Variants in SLC35F3 observed in about 807,000 individuals in gnomAD.
The protein encoded by SLC35F3 is solute carrier family 35 member F3.
In SLC35F3, 25 loss-of-function variants were observed where a neutral mutation model predicts 49.9. The ratio of observed to expected loss-of-function variants is 0.50; its 90% CI spans 0.37 to 0.70. SLC35F3 has a LOEUF of 0.70. Ranked by LOEUF, SLC35F3 falls within the 30% of genes least tolerant of loss-of-function variation. The pLI, the probability that SLC35F3 is intolerant of heterozygous loss-of-function variation, is 0.00. For missense variants in SLC35F3, 525 were observed against 639.8 expected, an observed-to-expected ratio of 0.82 and a Z score of 1.94; for synonymous variants, 275 against 265.4, an observed-to-expected ratio of 1.04 and a Z score of -0.35.
intron 2 of SLC35F3, among the ~76,000 whole-genome samples, chr1:234,160,636 C>G (rs1156805918): frequency 6.6e-6 from 1 of 152,202 alleles, no homozygotes; most frequent in African/African-American, 2.4e-5. Flanking sequence ...GGTCACTCTA[C>G]TTACAGTGGT....
chr1:234,244,167 C>T (rs8179278), intron 3 of SLC35F3, among the ~76,000 whole-genome samples: 15,204 of 152,248 alleles, frequency 0.1, 1,837 homozygotes, highest in East Asian at 0.67. Context: ...AGCCTACATC[C>T]TCTACCATGC....
intron 2 of SLC35F3, among the ~76,000 whole-genome samples, chr1:233,911,465 T>G (rs1034616307): frequency 6.6e-6 from 1 of 152,270 alleles, no homozygotes; most frequent in African/African-American, 2.4e-5. Flanking sequence ...CATTTTTTAT[T>G]GGGTCAGAGA....
At chr1:233,940,465 A>C (rs1208327680) in intron 2 of SLC35F3, among the ~76,000 whole-genome samples, 1 of 152,068 alleles carries the variant, frequency 6.6e-6, no homozygotes, top group Non-Finnish European at 1.5e-5. Context: ...CTCTTTCCTT[A>C]GTAGGTCTCA....
intron 2 of SLC35F3, among the ~76,000 whole-genome samples, chr1:234,117,728 T>A (rs1229799216): frequency 3.3e-5 from 5 of 150,284 alleles, no homozygotes; most frequent in African/African-American, 1.2e-4. Context: ...CTACTAAAAT[T>A]ACAAAAAATT....
At chr1:234,003,924 T>C (rs1663590511) in intron 2 of SLC35F3, among the ~76,000 whole-genome samples, 1 of 152,192 alleles carries the variant, frequency 6.6e-6, no homozygotes, top group African/African-American at 2.4e-5. Flanking sequence ...TTGATCAGAT[T>C]GTCCAAGAAT....
intron 2 of SLC35F3, among the ~76,000 whole-genome samples, chr1:234,030,865 T>C (rs1481869664): frequency 6.6e-6 from 1 of 152,216 alleles, no homozygotes; most frequent in African/African-American, 2.4e-5. Flanking sequence ...GTTACTCTCC[T>C]AATCGACATT....
chr1:233,922,710 G>T (rs1185944086), intron 2 of SLC35F3, among the ~76,000 whole-genome samples: 3 of 152,116 alleles, frequency 2.0e-5, no homozygotes, highest in African/African-American at 7.2e-5. Context: ...TTTTAGTCAT[G>T]AAGTCCTTGC....
intron 2 of SLC35F3, among the ~76,000 whole-genome samples, chr1:234,145,545 C>T (rs1397293286): frequency 6.6e-6 from 1 of 152,106 alleles, no homozygotes; most frequent in African/African-American, 2.4e-5. Flanking sequence ...GAGCCGTGGA[C>T]TCCAACAACC....
intron 2 of SLC35F3, among the ~76,000 whole-genome samples, chr1:234,030,752 A>G (rs745900077): frequency 1.1e-4 from 17 of 152,230 alleles, no homozygotes; most frequent in Non-Finnish European, 2.1e-4. Context: ...TCATGTTACA[A>G]TTATACAGTT....
At chr1:233,907,155 C>A (rs966260065) in intron 2 of SLC35F3, among the ~76,000 whole-genome samples, 7 of 152,274 alleles carry the variant, frequency 4.6e-5, no homozygotes, top group Admixed American at 3.3e-4. Flanking sequence ...TAGAAAATAG[C>A]AATTTTCTAT....
intron 2 of SLC35F3, among the ~76,000 whole-genome samples, chr1:234,139,989 T>TAAAATA (rs1665876699): frequency 5.2e-5 from 7 of 135,696 alleles, no homozygotes; most frequent in African/African-American, 1.6e-4. Context: ...TAAAATAAAA[T>TAAAATA]AAAATAAAAT....
At chr1:233,924,845 T>C (rs576498774) in intron 2 of SLC35F3, among the ~76,000 whole-genome samples, 46 of 152,350 alleles carry the variant, frequency 3.0e-4, no homozygotes, top group Non-Finnish European at 5.6e-4. Context: ...TTTGTTCTCA[T>C]TGGTTTCAAA....
intron 2 of SLC35F3, among the ~76,000 whole-genome samples, chr1:234,069,063 AAT>A (rs1491047183): frequency 5.5e-5 from 5 of 91,252 alleles, no homozygotes; most frequent in African/African-American, 2.2e-4. Flanking sequence ...TATATATTAT[AAT>A]ATATATTATA....
intron 2 of SLC35F3, among the ~76,000 whole-genome samples, chr1:234,001,433 A>G (rs1663552166): frequency 6.6e-6 from 1 of 152,224 alleles, no homozygotes; most frequent in African/African-American, 2.4e-5. Context: ...TCCAATATTG[A>G]ATGAATGGCT....
chr1:234,267,225 C>T (rs1330539669), intron 3 of SLC35F3, among the ~76,000 whole-genome samples: 1 of 122,670 alleles, frequency 8.2e-6, no homozygotes, highest in Non-Finnish European at 1.7e-5. Context: ...GATCCCAAGG[C>T]AGAAGAATTT....
At chr1:233,910,110 T>C (rs1661850494) in intron 2 of SLC35F3, among the ~76,000 whole-genome samples, 1 of 152,220 alleles carries the variant, frequency 6.6e-6, no homozygotes, top group Non-Finnish European at 1.5e-5. Context: ...GCTTTAGAAT[T>C]CAGGAGACTC....
rs531644397 is a variant in SLC35F3 at position 234,139,725 on chromosome 1, G to A, written c.284-91692G>A. Among the ~76,000 whole-genome samples, 4 of 151,864 alleles carry A rather than the reference G, an allele frequency of 2.6e-5. No homozygotes were observed. In the East Asian group the frequency reaches 5.8e-4, roughly 22 times the overall value. On this transcript the variant is annotated intron_variant, in intron 2 of 7. Transcript: ENST00000366618. Reference sequence around the variant, plus strand: ...AGCACTTTGGGAGGCCGAGGTGGGCGGATCATGAGGTCAGGAGTTTGAGAC... The same window carrying A: ...AGCACTTTGGGAGGCCGAGGTGGGCAGATCATGAGGTCAGGAGTTTGAGAC...
At chr1:233,963,612 T>G (rs1193510822) in intron 2 of SLC35F3, among the ~76,000 whole-genome samples, 1 of 152,202 alleles carries the variant, frequency 6.6e-6, no homozygotes, top group Non-Finnish European at 1.5e-5. Flanking sequence ...GGGCAGGTCA[T>G]AGCTTTCTTT....
At chr1:234,025,532 T>G (rs987019638) in intron 2 of SLC35F3, among the ~76,000 whole-genome samples, 10 of 152,244 alleles carry the variant, frequency 6.6e-5, no homozygotes, top group African/African-American at 2.4e-4. Context: ...TGAGATGGTG[T>G]CTCATTGTAG....
Sources: allele counts gnomAD v4.1 joint callset (sites outside exome capture counted in the v4.1 genomes callset), GRCh38; gene constraint gnomAD v4.1.1; transcripts MANE v1.5; gene names NCBI Gene and HGNC (gene_info 2026-07-23, HGNC 2026-07-21).